The following TRAPPC8 variants were observed in gnomAD, a reference collection of about 807,000 sequenced individuals.
TRAPPC8 encodes trafficking protein particle complex subunit 8.
A neutral mutation model predicts 174.3 loss-of-function variants in TRAPPC8; 54 were observed. The observed-to-expected ratio is 0.31, with a 90% CI of 0.25 to 0.39. The LOEUF (loss-of-function observed/expected upper bound fraction) is 0.39. Among genes scored for constraint, TRAPPC8 ranks in the 10% least tolerant of loss-of-function variants. The probability of loss-of-function intolerance (pLI) is 1.00; values close to 1 mark genes in which losing one functional copy is unlikely to be tolerated. For missense variants in TRAPPC8, 1,531 were observed against 1,699.1 expected (o/e 0.90, Z 1.74); for synonymous variants, 630 against 579.9 (o/e 1.09, Z -1.24).
chr18:31,921,734 C>T (rs2037397707), intron 2 of TRAPPC8, among the ~76,000 whole-genome samples: 1 of 152,076 alleles, frequency 6.6e-6, no homozygotes, highest in East Asian at 1.9e-4. Flanking sequence ...CTCATCTCAC[C>T]TTCTGGAAAA....
Position 31,830,665 on chromosome 18 carries a change from T to G in TRAPPC8, c.*90A>C. 9.1e-7 allele frequency: 1 copy of G among 1,104,094 alleles called. No homozygotes were observed. Among genetic ancestry groups the G allele is most frequent in the Non-Finnish European group, 1.3e-6 (1 of 775,026 alleles). 68.4% of individuals were successfully genotyped at this position (1,104,094 alleles called of 1,614,324 possible). A position where few individuals can be genotyped will look rare whatever the true frequency, so the allele number is the denominator to read the frequency against. ...TGCAGGGATCAGATATCAATCAACC[T>G]CCATAACAAGTTAGGTATATCAAAT... is the stretch of plus-strand genomic sequence containing the variant. On this transcript the variant is annotated 3_prime_UTR_variant, in exon 29 of 29. Transcript: ENST00000283351.
chr18:31,928,168 TAAAA>T (rs2037700841), intron 2 of TRAPPC8, among the ~76,000 whole-genome samples: 1 of 149,658 alleles, frequency 6.7e-6, no homozygotes, highest in Non-Finnish European at 1.5e-5. Context: ...AAAAATAAAA[TAAAA>T]TAAAATAAAA....
intron 10 of TRAPPC8, among the ~76,000 whole-genome samples, chr18:31,899,600 T>C (rs546572181): frequency 5.3e-5 from 8 of 152,308 alleles, no homozygotes; most frequent in South Asian, 4.1e-4. Context: ...TCTACTCAAA[T>C]ATTCGGTAAT....
Position 31,896,300 on chromosome 18 carries a change from AAAAG to A in TRAPPC8, c.1596+1482_1596+1485del, listed in dbSNP as rs1389705132. On this transcript the variant is annotated intron_variant, in intron 11 of 28. Transcript: ENST00000283351. ...TAGAAGTTTAAGAAAAACCAACAAC[AAAAG>A]AAAGAGAGAGAAGTAAACTATTTGG... 4.6e-5 allele frequency: 7 copies of A among 152,192 alleles called. No individual in the cohort carries two copies. In the East Asian group the frequency reaches 7.7e-4, roughly 17 times the overall value. 9.4% of individuals were successfully genotyped at this position (152,192 alleles called of 1,614,324 possible).
chr18:31,861,529 A>T (rs937587458), intron 19 of TRAPPC8, among the ~76,000 whole-genome samples: 1 of 152,216 alleles, frequency 6.6e-6, no homozygotes, highest in Non-Finnish European at 1.5e-5. Flanking sequence ...TAAACAATGT[A>T]AAAGTAAACC....
chr18:31,941,052 AAAGC>A (rs2038314656), intron 1 of TRAPPC8, among the ~76,000 whole-genome samples: 1 of 152,258 alleles, frequency 6.6e-6, no homozygotes, highest in African/African-American at 2.4e-5. Context: ...AAAGTTACAC[AAAGC>A]AAGTATCAGG....
At chr18:31,880,093 ATATATATAT>A (rs2035356454) in intron 12 of TRAPPC8, among the ~76,000 whole-genome samples, 1 of 63,336 alleles carries the variant, frequency 1.6e-5, no homozygotes, top group African/African-American at 6.3e-5. Flanking sequence ...AAAAAAAAAT[ATATATATAT>A]ATATATATAT....
chr18:31,889,101 C>T (rs956944509), intron 12 of TRAPPC8, among the ~76,000 whole-genome samples: 1 of 151,954 alleles, frequency 6.6e-6, no homozygotes, highest in African/African-American at 2.4e-5. Context: ...CTCAGATTTC[C>T]ACAAACTGTA....
At chr18:31,924,315 G>A (rs191503179) in intron 2 of TRAPPC8, among the ~76,000 whole-genome samples, 167 of 151,436 alleles carry the variant, frequency 1.1e-3, no homozygotes, top group Non-Finnish European at 1.9e-3. Flanking sequence ...TTAGTTGGGC[G>A]TCGTGGTGGG....
At chr18:31,833,752 C>T (rs2032520735) in intron 27 of TRAPPC8, among the ~76,000 whole-genome samples, 1 of 152,048 alleles carries the variant, frequency 6.6e-6, no homozygotes, top group African/African-American at 2.4e-5. Flanking sequence ...GCTTGTAATC[C>T]CAGCATTTTG....
At chr18:31,906,066 A>G (rs2036642654) in intron 9 of TRAPPC8, among the ~76,000 whole-genome samples, 1 of 151,964 alleles carries the variant, frequency 6.6e-6, no homozygotes, top group Admixed American at 6.6e-5. Flanking sequence ...TTCCATTTCT[A>G]TGAAAGGTTT....
intron 9 of TRAPPC8, among the ~76,000 whole-genome samples, chr18:31,902,582 T>C (rs2036478872): frequency 6.6e-6 from 1 of 152,150 alleles, no homozygotes; most frequent in Admixed American, 6.5e-5. Context: ...TATGCTGAGA[T>C]GTAACACAGT....
intron 2 of TRAPPC8, among the ~76,000 whole-genome samples, chr18:31,919,026 C>T (rs1020672055): frequency 6.6e-6 from 1 of 152,124 alleles, no homozygotes; most frequent in African/African-American, 2.4e-5. Context: ...TATTAAACAA[C>T]TGGAAGGGCT....
intron 5 of TRAPPC8, among the ~76,000 whole-genome samples, chr18:31,912,393 AGAGAG>A (rs1249055097): frequency 2.0e-5 from 3 of 152,128 alleles, no homozygotes; most frequent in African/African-American, 7.2e-5. Context: ...TGGGAGGCTG[AGAGAG>A]GAGAACTGCT....
intron 2 of TRAPPC8, among the ~76,000 whole-genome samples, chr18:31,927,668 G>C (rs901278919): frequency 6.6e-6 from 1 of 152,158 alleles, no homozygotes; most frequent in African/African-American, 2.4e-5. Context: ...TTCCCAAAGC[G>C]CTGGGATTAG....
intron 22 of TRAPPC8, among the ~76,000 whole-genome samples, chr18:31,853,618 A>G (rs2033833418): frequency 6.6e-6 from 1 of 152,184 alleles, no homozygotes; most frequent in Non-Finnish European, 1.5e-5. Flanking sequence ...ATTTTACAAT[A>G]AAAAACAAAA....
At chr18:31,832,005 T>G in intron 28 of TRAPPC8, 79 bp downstream of exon 28, 1 of 949,170 alleles carries the variant, frequency 1.1e-6, no homozygotes, top group Admixed American at 3.0e-5. Context: ...TTCTTATCCA[T>G]GTTAGGTAAT....
chr18:31,900,947 G>C lies in TRAPPC8; in HGVS notation c.1468C>G (p.Gln490Glu). Reference sequence around the variant, plus strand: ...TACTTGCAGATATCTCTGTATGTCTGAATTGCTGTATCCATGTAATGAGCA... The same window carrying C: ...TACTTGCAGATATCTCTGTATGTCTCAATTGCTGTATCCATGTAATGAGCA... ...YPAHYMDTAIQTYRDICKNMV... is the reference protein window; with the variant it reads ...YPAHYMDTAIETYRDICKNMV... The change falls in exon 10 of 29, where the codon CAG (glutamine) becomes GAG (glutamate). Residue 490 changes from glutamine (Q) to glutamate (E), a missense_variant. Transcript: ENST00000283351. 6.3e-7 allele frequency: 1 copy of C among 1,596,410 alleles called. No individual in the cohort carries two copies. The highest frequency in any genetic ancestry group is 8.5e-7 in the Non-Finnish European group (1 of 1,175,178).
intron 24 of TRAPPC8, among the ~76,000 whole-genome samples, chr18:31,850,206 C>T (rs1185840991): frequency 6.6e-6 from 1 of 152,108 alleles, no homozygotes; most frequent in African/African-American, 2.4e-5. Flanking sequence ...CTGCCTCAGC[C>T]TCCCAAAATG....
Sources: gnomAD v4.1 joint callset for allele counts (sites outside exome capture counted in the v4.1 genomes callset) on GRCh38, gnomAD v4.1.1 for gene constraint, MANE v1.5 for transcripts, NCBI Gene and HGNC (gene_info 2026-07-23, HGNC 2026-07-21) for gene names.